Variants in RECQL5 observed in about 807,000 individuals in gnomAD.
RECQL5 encodes ATP-dependent DNA helicase Q5.
A neutral mutation model predicts 103.4 loss-of-function variants in RECQL5; 88 were observed. The ratio of observed to expected loss-of-function variants is 0.85; its 90% CI spans 0.72 to 1.02. RECQL5 has a LOEUF of 1.02. Among genes scored for constraint, RECQL5 ranks in the 50% least tolerant of loss-of-function variants. The probability of loss-of-function intolerance (pLI) is 0.00; values close to 1 mark genes in which losing one functional copy is unlikely to be tolerated. For missense variants in RECQL5, 1,232 were observed against 1,284.3 expected (o/e 0.96, Z 0.62); for synonymous variants, 552 against 507.9 (o/e 1.09, Z -1.17).
At chr17:75,635,409 C>G (rs1188600995) in intron 8 of RECQL5, among the ~76,000 whole-genome samples, 1 of 152,170 alleles carries the variant, frequency 6.6e-6, no homozygotes. Flanking sequence ...CAACACAGTC[C>G]CTGAACCAGG....
chr17:75,633,013 CA>C (rs1189392829), intron 8 of RECQL5, among the ~76,000 whole-genome samples: 1 of 152,272 alleles, frequency 6.6e-6, no homozygotes, highest in Non-Finnish European at 1.5e-5. Context: ...GGTAAGGAAG[CA>C]GGGCCTGGCT....
rs1296301537 is a variant in RECQL5, at chr17:75,631,161, G to A, written c.1537C>T (p.Gln513Ter). 6.2e-7 allele frequency: 1 copy of A among 1,613,704 alleles called. No individual in the cohort carries two copies. The highest frequency in any genetic ancestry group is 1.3e-5 in the African/African-American group (1 of 74,940). Residue 513 changes from glutamine (Q) to a stop codon, truncating the protein, a stop_gained, in exon 10 of 20, where the codon CAG becomes TAG. Coordinates refer to ENST00000317905, the MANE Select transcript of RECQL5 (RefSeq NM_004259.7). LOFTEE classifies it high-confidence loss of function. ...GTGCCTCCCCTCACCTTGCGCAGCT[G>A]CATCTGCTTCTGATAGAAGAGGTTC... ...EWNLFYQKQM[Q>*]LRKGKDPKIE... is the part of the protein sequence containing the mutation.
chr17:75,627,612 C>T lies in RECQL5; in HGVS notation c.2875+11G>A, dbSNP rs144522540. The T allele has an allele frequency of 9.7e-4, 1,563 of 1,613,470 alleles. 16 individuals are homozygous for T. In the African/African-American group the frequency reaches 0.018, roughly 19 times the overall value. On this transcript the variant is annotated intron_variant, in intron 19 of 19. Transcript: ENST00000317905. Reference sequence around the variant, plus strand: ...CAAGTGCCTCCTGGCCCTGGCAATGCCAGCGCTCACCGCTCCTTCCAGGAG... The same window carrying T: ...CAAGTGCCTCCTGGCCCTGGCAATGTCAGCGCTCACCGCTCCTTCCAGGAG...
chr17:75,656,302 T>C (rs555093142), intron 7 of RECQL5, among the ~76,000 whole-genome samples: 2 of 151,984 alleles, frequency 1.3e-5, no homozygotes, highest in East Asian at 3.9e-4. Flanking sequence ...GGTCTCAAAC[T>C]CCCGACCTCA....
chr17:75,662,388 G>T, intron 4 of RECQL5, 91 bp downstream of exon 4: 1 of 1,403,780 alleles, frequency 7.1e-7, no homozygotes. Flanking sequence ...GAGAAAGCTA[G>T]AAAAACCAAA....
chr17:75,630,699 C>T lies in RECQL5; in HGVS notation c.1645-7G>A, dbSNP rs375332655. The T allele has an allele frequency of 1.2e-5, 19 of 1,613,406 alleles. No homozygotes were observed. The highest frequency in any genetic ancestry group is 1.4e-5 in the Non-Finnish European group (17 of 1,179,924). The stretch of plus-strand genomic sequence containing the variant: ...GCAGGCAGTGCTCCCGTGCCTGGCA[C>T]AGGACAGTGAGACTGGTCGCATGGC... On this transcript the variant is annotated splice_polypyrimidine_tract_variant and splice_region_variant and intron_variant, in intron 12 of 19. Transcript: ENST00000317905.
chr17:75,631,173 G>C lies in RECQL5; in HGVS notation c.1525C>G (p.Gln509Glu), dbSNP rs1720239283. ...AHKREWNLFY[Q>E]KQMQLRKGKD... is the part of the protein sequence containing the mutation. Reference sequence around the variant, plus strand: ...ACCTTGCGCAGCTGCATCTGCTTCTGATAGAAGAGGTTCCACTCCCGCTTG... The same window carrying C: ...ACCTTGCGCAGCTGCATCTGCTTCTCATAGAAGAGGTTCCACTCCCGCTTG... The change falls in exon 10 of 20, where the codon CAG becomes GAG. Residue 509 changes from glutamine (Q) to glutamate (E), a missense_variant. Transcript: ENST00000317905. 1 of 1,613,752 alleles carries C rather than the reference G, an allele frequency of 6.2e-7. No individual in the cohort carries two copies. The highest frequency in any genetic ancestry group is 8.5e-7 in the Non-Finnish European group (1 of 1,180,022).
At chr17:75,660,919 C>T in intron 6 of RECQL5, 36 bp downstream of exon 6, 1 of 1,514,814 alleles carries the variant, frequency 6.6e-7, no homozygotes, top group African/African-American at 1.4e-5. Context: ...TGAGCCAGGC[C>T]CAGACCAGGA....
intron 8 of RECQL5, chr17:75,633,773 G>A: frequency 9.8e-7 from 1 of 1,020,704 alleles, no homozygotes; most frequent in Non-Finnish European, 1.2e-6. Flanking sequence ...CTCAGGTGGA[G>A]CCTCCCCAGG....
chr17:75,652,921 T>C (rs1279377399), intron 7 of RECQL5, among the ~76,000 whole-genome samples: 2 of 152,204 alleles, frequency 1.3e-5, no homozygotes, highest in Non-Finnish European at 2.9e-5. Flanking sequence ...TTTTCTCATC[T>C]CCACTCCTGC....
chr17:75,640,117 A>AGT lies in RECQL5; in HGVS notation c.1230-8451_1230-8450dup. The AGT allele has an allele frequency of 6.9e-7, 1 of 1,441,906 alleles. No individual in the cohort carries two copies. The highest frequency in any genetic ancestry group is 9.1e-7 in the Non-Finnish European group (1 of 1,099,954). The allele number at this position is 1,441,906 out of a possible 1,614,324, so 89.3% of individuals were successfully genotyped here. ...AGGGTGGAATCTCGGTGCTGCGACG[A>AGT]GTGTGGGGCCAGCCGTGGAGGCTCC... is the stretch of plus-strand genomic sequence containing the variant. On this transcript the variant is annotated intron_variant, in intron 8 of 19. Transcript: ENST00000317905. The surrounding 1 kb of genome is among the most constrained non-coding windows in gnomAD (Gnocchi z 4.6).
chr17:75,628,586 C>T (rs915524362), intron 17 of RECQL5, 86 bp downstream of exon 17: 42 of 1,509,166 alleles, frequency 2.8e-5, no homozygotes, highest in Non-Finnish European at 3.4e-5. Flanking sequence ...AGCTGATTTT[C>T]CCTGACCCCT....
rs756201202 is a variant in RECQL5 at position 75,630,666 on chromosome 17, C to T, written c.1671G>A (p.Leu557=). 6.2e-7 allele frequency: 1 copy of T among 1,613,432 alleles called. No individual in the cohort carries two copies. Among genetic ancestry groups the T allele is most frequent in the Non-Finnish European group, 8.5e-7 (1 of 1,179,948 alleles). ...VKAREHCLRL[L]EEALSSNRQS... is the part of the protein sequence containing the mutation. ...GGCGGTTGCTGCTCAGCGCCTCCTC[C>T]AGAAGCCGCAGGCAGTGCTCCCGTG... is the stretch of plus-strand genomic sequence containing the variant. Residue 557 remains leucine (L), a synonymous_variant, in exon 13 of 20, where the codon CTG becomes CTA. Transcript: ENST00000317905.
At chr17:75,637,083 C>T (rs1010572305) in intron 8 of RECQL5, 1 of 152,344 alleles carries the variant, frequency 6.6e-6, no homozygotes, top group African/African-American at 2.4e-5. Flanking sequence ...GGAGGCTGGC[C>T]AGAGCTTCTC....
chr17:75,647,563 T>C lies in RECQL5; in HGVS notation c.1229+3623A>G, dbSNP rs769082159. 2.6e-6 allele frequency: 4 copies of C among 1,549,662 alleles called. No individual in the cohort carries two copies. The African/African-American group carries it at 4.1e-5, about 16-fold the overall frequency. On this transcript the variant is annotated intron_variant, in intron 8 of 19. Transcript: ENST00000317905. ...TCAGTGTGAAGCGGGTGAAGAGGAGTGACCTGACTTGCTGGGGACTGAGAT... is the reference window on the plus strand; with the variant it reads ...TCAGTGTGAAGCGGGTGAAGAGGAGCGACCTGACTTGCTGGGGACTGAGAT...
In RECQL5 at chr17:75,640,982, C is replaced by A; in HGVS notation, c.1230-9314G>T. 5 of 1,502,970 alleles carry A rather than the reference C, an allele frequency of 3.3e-6. No homozygotes were observed. The highest frequency in any genetic ancestry group is 4.5e-6 in the Non-Finnish European group (5 of 1,123,000). The allele number at this position is 1,502,970 out of a possible 1,614,324, so 93.1% of individuals were successfully genotyped here. A position where few individuals can be genotyped will look rare whatever the true frequency, so the allele number is the denominator to read the frequency against. ...CATCAGCCTGGCCCTGCAGCCCTTA[C>A]CCCTCAAGACCAGGCTCCCCTGGCC... On this transcript the variant is annotated intron_variant, in intron 8 of 19. Coordinates refer to ENST00000317905, the MANE Select transcript of RECQL5 (RefSeq NM_004259.7). This position sits in a 1 kb window ranked among gnomAD's most constrained non-coding sequence, Gnocchi z 4.6.
At chr17:75,635,354 G>A (rs951667173) in intron 8 of RECQL5, among the ~76,000 whole-genome samples, 2 of 152,188 alleles carry the variant, frequency 1.3e-5, no homozygotes, top group South Asian at 4.1e-4. Flanking sequence ...GGCAGGTGGG[G>A]ATCCCTGTCC....
At chr17:75,665,323 C>T in intron 2 of RECQL5, 151 bp from the exon 3 acceptor site, 2 of 674,422 alleles carry the variant, frequency 3.0e-6, no homozygotes, top group South Asian at 3.9e-5. Context: ...CCTGTCCTTT[C>T]TATGAAAAAG....
intron 3 of RECQL5, among the ~76,000 whole-genome samples, chr17:75,664,132 A>G (rs989572439): frequency 6.6e-5 from 10 of 151,936 alleles, no homozygotes; most frequent in African/African-American, 2.4e-4. Context: ...CCTGGTGAAC[A>G]TTCACCAAGT....
Sources: gnomAD v4.1 joint callset for allele counts (sites outside exome capture counted in the v4.1 genomes callset) on GRCh38, gnomAD v4.1.1 for gene constraint, Gnocchi (gnomAD v3.1) non-coding constraint, MANE v1.5 for transcripts, NCBI Gene and HGNC (gene_info 2026-07-23, HGNC 2026-07-21) for gene names.